NRG1: variants seen among roughly 807,000 people sequenced by gnomAD.
The protein encoded by NRG1 is pro-neuregulin-1, membrane-bound isoform.
Under a neutral mutation model 63.8 loss-of-function variants are expected in NRG1, and 18 were observed. The observed-to-expected ratio is 0.28, with a 90% CI of 0.19 to 0.42. The LOEUF is 0.42. Among genes scored for constraint, NRG1 ranks in the 10% least tolerant of loss-of-function variants. The pLI is 1.00. For missense variants in NRG1, 762 were observed against 814.7 expected (o/e 0.94, Z 0.79); for synonymous variants, 302 against 301.3 (o/e 1.00, Z -0.02).
At chr8:32,706,884 TAGAA>T (rs1816570027) in intron 5 of NRG1, among the ~76,000 whole-genome samples, 1 of 152,100 alleles carries the variant, frequency 6.6e-6, no homozygotes, top group Admixed American at 6.5e-5. Flanking sequence ...GGGATTTCAA[TAGAA>T]AGAAAGCTTT....
chr8:32,263,313 G>T (rs929995950), intron 1 of NRG1, among the ~76,000 whole-genome samples: 1 of 152,136 alleles, frequency 6.6e-6, no homozygotes, highest in Non-Finnish European at 1.5e-5. Context: ...ATGGCAGGAG[G>T]CCCCAAAGCA....
chr8:31,895,145 A>G (rs1388590420), intron 1 of NRG1, among the ~76,000 whole-genome samples: 2 of 152,212 alleles, frequency 1.3e-5, no homozygotes, highest in African/African-American at 2.4e-5. Context: ...AAGAAATGAG[A>G]GATTAAGGTC....
chr8:31,976,900 T>C (rs1272335603), intron 1 of NRG1, among the ~76,000 whole-genome samples: 1 of 152,204 alleles, frequency 6.6e-6, no homozygotes, highest in Non-Finnish European at 1.5e-5. Context: ...CCTGAAACTA[T>C]ATAAGATTCA....
chr8:32,306,163 G>T (rs1275946976), intron 1 of NRG1, among the ~76,000 whole-genome samples: 1 of 152,090 alleles, frequency 6.6e-6, no homozygotes, highest in African/African-American at 2.4e-5. Flanking sequence ...GTTAAAGATG[G>T]CCATAATAAG....
At chr8:32,385,403 T>C (rs1810886027) in intron 1 of NRG1, among the ~76,000 whole-genome samples, 1 of 152,122 alleles carries the variant, frequency 6.6e-6, no homozygotes, top group Non-Finnish European at 1.5e-5. Flanking sequence ...AGTGTATTCA[T>C]TCATTCTCAC....
chr8:32,602,730 G>A (rs1459893697), intron 2 of NRG1, among the ~76,000 whole-genome samples: 1 of 152,094 alleles, frequency 6.6e-6, no homozygotes, highest in East Asian at 1.9e-4. Flanking sequence ...GGTTATACAT[G>A]AAAATTCTTC....
chr8:31,648,393 A>G (rs1804512774), intron 1 of NRG1, among the ~76,000 whole-genome samples: 1 of 151,820 alleles, frequency 6.6e-6, no homozygotes, highest in South Asian at 2.1e-4. Context: ...CGGCCTCCCA[A>G]AGTGCTGGGA....
intron 1 of NRG1, among the ~76,000 whole-genome samples, chr8:32,090,310 T>G (rs540347667): frequency 6.6e-6 from 1 of 152,206 alleles, no homozygotes; most frequent in Non-Finnish European, 1.5e-5. Flanking sequence ...TAGCTGAAAA[T>G]ACATTGAATC....
At chr8:31,863,032 G>A (rs969664905) in intron 1 of NRG1, among the ~76,000 whole-genome samples, 2 of 152,156 alleles carry the variant, frequency 1.3e-5, no homozygotes, top group African/African-American at 4.8e-5. Context: ...GTGAAGGTAG[G>A]GGTAGAGGTT....
chr8:32,265,677 A>G (rs2129471991), intron 1 of NRG1, among the ~76,000 whole-genome samples: 3 of 152,050 alleles, frequency 2.0e-5, no homozygotes, highest in Admixed American at 2.0e-4. Flanking sequence ...ACCTGTGTCT[A>G]CTAAAAGTTT....
intron 1 of NRG1, among the ~76,000 whole-genome samples, chr8:32,531,719 C>T (rs1360113845): frequency 1.3e-5 from 2 of 152,076 alleles, no homozygotes; most frequent in Non-Finnish European, 2.9e-5. Flanking sequence ...AAGAATTTTG[C>T]TATTCTCAAC....
chr8:32,643,690 A>G (rs1852889977), intron 5 of NRG1, among the ~76,000 whole-genome samples: 2 of 152,224 alleles, frequency 1.3e-5, no homozygotes, highest in Admixed American at 1.3e-4. Context: ...CTTCCCAAGG[A>G]AAGTCCTGGA....
At chr8:31,948,497 C>T (rs1295294191) in intron 1 of NRG1, among the ~76,000 whole-genome samples, 1 of 152,190 alleles carries the variant, frequency 6.6e-6, no homozygotes, top group Non-Finnish European at 1.5e-5. Context: ...GGCATTTTCT[C>T]TCCTGCCAAA....
intron 6 of NRG1, among the ~76,000 whole-genome samples, chr8:32,737,675 CTTTTT>C (rs561750288): frequency 1.6e-5 from 2 of 127,880 alleles, no homozygotes; most frequent in African/African-American, 2.9e-5. Context: ...GACAATCTTC[CTTTTT>C]TTTTTTTTTT....
intron 1 of NRG1, among the ~76,000 whole-genome samples, chr8:32,153,774 A>T (rs117752163): frequency 6.6e-6 from 1 of 152,198 alleles, no homozygotes; most frequent in Non-Finnish European, 1.5e-5. Flanking sequence ...CTAGGGATGA[A>T]GTGATAGTAT....
intron 1 of NRG1, among the ~76,000 whole-genome samples, chr8:31,852,459 TG>T (rs1339605632): frequency 6.6e-6 from 1 of 152,176 alleles, no homozygotes; most frequent in African/African-American, 2.4e-5. Context: ...TGGGGTTGTT[TG>T]TTTTTTTCTT....
At chr8:31,783,674 C>G (rs1408310817) in intron 1 of NRG1, among the ~76,000 whole-genome samples, 1 of 151,702 alleles carries the variant, frequency 6.6e-6, no homozygotes, top group Admixed American at 6.6e-5. Flanking sequence ...GGAAACTTAC[C>G]CCCAGGTGGA....
At chr8:31,735,136 A>T (rs1234660543) in intron 1 of NRG1, among the ~76,000 whole-genome samples, 1 of 152,184 alleles carries the variant, frequency 6.6e-6, no homozygotes, top group East Asian at 1.9e-4. Context: ...GTGGTACAGA[A>T]GGATGAGGGT....
chr8:31,767,807 A>G (rs898425162), intron 1 of NRG1, among the ~76,000 whole-genome samples: 7 of 149,478 alleles, frequency 4.7e-5, no homozygotes, highest in African/African-American at 1.7e-4. Context: ...CCATTGTGCC[A>G]TTACACTCCA....
Sources: allele counts gnomAD v4.1 joint callset (sites outside exome capture counted in the v4.1 genomes callset), GRCh38; gene constraint gnomAD v4.1.1; transcripts MANE v1.5; gene names NCBI Gene and HGNC (gene_info 2026-07-23, HGNC 2026-07-21).